Variants in SPMAP2L observed in about 807,000 individuals in gnomAD.
SPMAP2L encodes the protein sperm microtubule associated protein 2 like, also known as sperm microtubule associated protein 2-like.
At chr4:56,543,010 AC>A in the SPMAP2L span, among the ~76,000 whole-genome samples, 24 of 149,578 alleles carry the variant, frequency 1.6e-4, no homozygotes, top group African/African-American at 5.6e-4. Context: ...AAAAGTAGGA[AC>A]TTAAAAAAAA....
the SPMAP2L span, among the ~76,000 whole-genome samples, chr4:56,586,873 C>T: frequency 1.3e-5 from 2 of 151,788 alleles, no homozygotes; most frequent in South Asian, 4.2e-4. Flanking sequence ...CCCCACCTCT[C>T]AATTAAGAGA....
At chr4:56,624,256 C>T in the SPMAP2L span, among the ~76,000 whole-genome samples, 1 of 152,216 alleles carries the variant, frequency 6.6e-6, no homozygotes, top group Non-Finnish European at 1.5e-5. Context: ...AATTTCTAAG[C>T]AGCAAAGCAT....
chr4:56,620,464 G>A, the SPMAP2L span, among the ~76,000 whole-genome samples: 1 of 149,256 alleles, frequency 6.7e-6, no homozygotes, highest in Non-Finnish European at 1.5e-5. Context: ...TCAGCTCACC[G>A]CAACCTCCGC....
At chr4:56,578,676 A>G in the SPMAP2L span, among the ~76,000 whole-genome samples, 12 of 152,186 alleles carry the variant, frequency 7.9e-5, no homozygotes, top group South Asian at 2.1e-4. Flanking sequence ...CACGCCAACC[A>G]AAAAAGACCT....
At chr4:56,587,828 A>T in the SPMAP2L span, among the ~76,000 whole-genome samples, 1 of 152,214 alleles carries the variant, frequency 6.6e-6, no homozygotes, top group Non-Finnish European at 1.5e-5. Context: ...CTCTGGGTGG[A>T]TACCCAGCAG....
the SPMAP2L span, among the ~76,000 whole-genome samples, chr4:56,578,748 G>T: frequency 1.3e-5 from 2 of 151,838 alleles, no homozygotes; most frequent in Non-Finnish European, 2.9e-5. Context: ...ACTAAAGACA[G>T]AGAAAGGACA....
At chr4:56,574,988 T>C in the SPMAP2L span, among the ~76,000 whole-genome samples, 5 of 151,940 alleles carry the variant, frequency 3.3e-5, no homozygotes, top group African/African-American at 9.7e-5. Flanking sequence ...CGGTGGCTCA[T>C]GCCTGTAATC....
the SPMAP2L span, among the ~76,000 whole-genome samples, chr4:56,537,060 G>A: frequency 3.9e-5 from 6 of 151,998 alleles, no homozygotes; most frequent in East Asian, 3.9e-4. Flanking sequence ...CACCACGCCC[G>A]GCCAATGTAT....
chr4:56,568,478 T>TA, the SPMAP2L span, among the ~76,000 whole-genome samples: 35 of 152,258 alleles, frequency 2.3e-4, no homozygotes, highest in African/African-American at 3.9e-4. Context: ...GGTTTTCTTT[T>TA]AAAAAAATAG....
the SPMAP2L span, among the ~76,000 whole-genome samples, chr4:56,604,788 G>T: frequency 6.6e-6 from 1 of 152,202 alleles, no homozygotes; most frequent in Admixed American, 6.5e-5. Flanking sequence ...TAAAGAGAGT[G>T]TGGTATATGT....
chr4:56,561,207 A>G, the SPMAP2L span, among the ~76,000 whole-genome samples: 1 of 152,168 alleles, frequency 6.6e-6, no homozygotes, highest in Non-Finnish European at 1.5e-5. Context: ...ATTTTTTTGA[A>G]CACAAGAACG....
the SPMAP2L span, among the ~76,000 whole-genome samples, chr4:56,566,937 C>T: frequency 7.9e-5 from 12 of 151,808 alleles, no homozygotes; most frequent in East Asian, 3.9e-4. Flanking sequence ...CCTCGTGATC[C>T]GCCCACCTTG....
At chr4:56,538,871 C>T in the SPMAP2L span, among the ~76,000 whole-genome samples, 12 of 152,298 alleles carry the variant, frequency 7.9e-5, no homozygotes, top group Admixed American at 7.8e-4. Flanking sequence ...TCTAGATTTT[C>T]CTTGTCAATT....
At chr4:56,539,138 G>A in the SPMAP2L span, among the ~76,000 whole-genome samples, 1 of 152,160 alleles carries the variant, frequency 6.6e-6, no homozygotes, top group African/African-American at 2.4e-5. Context: ...TTATAGAGTC[G>A]GTTCTATTAT....
the SPMAP2L span, among the ~76,000 whole-genome samples, chr4:56,545,702 CAG>C: frequency 5.8e-5 from 7 of 120,026 alleles, no homozygotes; most frequent in Admixed American, 1.1e-4. Flanking sequence ...GCCTGGGCAA[CAG>C]AGAGACCCTG....
At chr4:56,595,154 C>T in the SPMAP2L span, 53 of 1,611,350 alleles carry the variant, frequency 3.3e-5, no homozygotes, top group Middle Eastern at 2.2e-4. Context: ...ACGGAAACTG[C>T]GATATTAAAT....
chr4:56,622,299 A>G, the SPMAP2L span, among the ~76,000 whole-genome samples: 2 of 152,256 alleles, frequency 1.3e-5, no homozygotes, highest in Admixed American at 6.5e-5. Context: ...ATGAAGCAGC[A>G]TTATTTATTT....
the SPMAP2L span, among the ~76,000 whole-genome samples, chr4:56,597,881 T>TA: frequency 3.2e-4 from 48 of 152,220 alleles, no homozygotes; most frequent in Middle Eastern, 3.4e-3. Flanking sequence ...GTTTTTTTTT[T>TA]AGACAGTGTC....
the SPMAP2L span, among the ~76,000 whole-genome samples, chr4:56,611,921 T>C: frequency 6.6e-6 from 1 of 152,142 alleles, no homozygotes; most frequent in African/African-American, 2.4e-5. Flanking sequence ...CCCACACCCC[T>C]GCTGCTGTAA....
Sources: gnomAD v4.1 joint callset for allele counts (sites outside exome capture counted in the v4.1 genomes callset) on GRCh38, gnomAD v4.1.1 for gene constraint, MANE v1.5 for transcripts, NCBI Gene and HGNC (gene_info 2026-07-23, HGNC 2026-07-21) for gene names.